FER1L6: variants seen among roughly 807,000 people sequenced by gnomAD.
FER1L6 encodes the protein fer-1-like protein 6.
FER1L6 carries 177 observed loss-of-function variants against 219.2 expected under a neutral mutation model. The ratio of observed to expected loss-of-function variants is 0.81; its 90% CI spans 0.71 to 0.91. FER1L6 has a LOEUF of 0.91. Ranked by LOEUF, FER1L6 falls within the 40% of genes least tolerant of loss-of-function variation. FER1L6 has a pLI of 0.00. For missense variants in FER1L6, 2,153 were observed against 2,259.9 expected (o/e 0.95, Z 0.96); for synonymous variants, 768 against 824.3 (o/e 0.93, Z 1.17).
intron 12 of FER1L6, among the ~76,000 whole-genome samples, chr8:123,999,044 G>A (rs950835087): frequency 2.0e-5 from 3 of 152,202 alleles, no homozygotes; most frequent in African/African-American, 7.2e-5. Context: ...CCTGCCTGGT[G>A]TTCTACCTCA....
intron 1 of FER1L6, among the ~76,000 whole-genome samples, chr8:123,873,629 G>A (rs1563669372): frequency 6.6e-6 from 1 of 152,074 alleles, no homozygotes; most frequent in Admixed American, 6.6e-5. Flanking sequence ...CCCTGTGCAG[G>A]TGACATCCCC....
At chr8:124,113,429 A>G (rs967836338) in intron 39 of FER1L6, among the ~76,000 whole-genome samples, 2 of 152,188 alleles carry the variant, frequency 1.3e-5, no homozygotes, top group African/African-American at 4.8e-5. Flanking sequence ...CTCAGCATGC[A>G]TCTCTCAGGA....
intron 6 of FER1L6, among the ~76,000 whole-genome samples, chr8:123,972,834 T>C (rs1296365918): frequency 2.6e-5 from 4 of 152,192 alleles, no homozygotes; most frequent in African/African-American, 9.7e-5. Context: ...GTTGTGGCTT[T>C]TCAACCTGGC....
At chr8:124,065,633 T>G (rs984371455) in intron 26 of FER1L6, among the ~76,000 whole-genome samples, 3 of 152,202 alleles carry the variant, frequency 2.0e-5, no homozygotes, top group Admixed American at 6.5e-5. Flanking sequence ...GTGTTCATCA[T>G]TCAGTGTTCA....
intron 1 of FER1L6, among the ~76,000 whole-genome samples, chr8:123,911,910 G>T (rs1813053093): frequency 6.6e-6 from 1 of 152,132 alleles, no homozygotes; most frequent in African/African-American, 2.4e-5. Context: ...TTCCTGGGGG[G>T]AACAGCTGGC....
chr8:124,003,178 A>G lies in FER1L6; in HGVS notation c.1531A>G (p.Asn511Asp). The change falls in exon 13 of 41, where the codon AAC becomes GAC. Residue 511 changes from asparagine to aspartate, a missense_variant. Physicochemically the swap from Asn to Asp is conservative, Grantham distance 23 (BLOSUM62 1). Transcript: ENST00000522917. ...SFEVSIGNFG[N>D]LIDGGSHHGS... ...TACTGCCTCTGCAGGTAATTTTGGAAACCTGATTGATGGAGGATCCCATCA... is the reference window on the plus strand; with the variant it reads ...TACTGCCTCTGCAGGTAATTTTGGAGACCTGATTGATGGAGGATCCCATCA... 2 of 1,613,756 alleles carry G rather than the reference A, an allele frequency of 1.2e-6. No individual in the cohort carries two copies. The highest frequency in any genetic ancestry group is 1.7e-6 in the Non-Finnish European group (2 of 1,179,764).
intron 25 of FER1L6, among the ~76,000 whole-genome samples, chr8:124,063,097 T>C (rs933595464): frequency 6.6e-6 from 1 of 152,250 alleles, no homozygotes; most frequent in African/African-American, 2.4e-5. Context: ...TGCTGCCATA[T>C]TAATCTTCCT....
chr8:123,899,360 G>GT (rs1162848010), intron 1 of FER1L6, among the ~76,000 whole-genome samples: 1 of 151,690 alleles, frequency 6.6e-6, no homozygotes, highest in Non-Finnish European at 1.5e-5. Flanking sequence ...TTGTTTGTTT[G>GT]TTTTTTTCTT....
At chr8:124,095,309 A>C (rs1586331003) in intron 35 of FER1L6, among the ~76,000 whole-genome samples, 1 of 152,328 alleles carries the variant, frequency 6.6e-6, no homozygotes, top group East Asian at 1.9e-4. Flanking sequence ...GAATTTGAGA[A>C]GCCCTGCCCT....
intron 16 of FER1L6, among the ~76,000 whole-genome samples, chr8:124,018,061 G>C (rs572743532): frequency 1.4e-4 from 22 of 152,272 alleles, no homozygotes; most frequent in African/African-American, 2.9e-4. Context: ...TATGCTCCTT[G>C]ACTTCAGGTT....
intron 1 of FER1L6, among the ~76,000 whole-genome samples, chr8:123,871,289 G>A (rs1001139060): frequency 6.6e-6 from 1 of 152,090 alleles, no homozygotes; most frequent in African/African-American, 2.4e-5. Context: ...TAACATCCCA[G>A]TAGTAACAAA....
At chr8:123,939,068 C>T (rs1041374186) in intron 1 of FER1L6, 5 of 630,600 alleles carry the variant, frequency 7.9e-6, no homozygotes, top group Non-Finnish European at 9.9e-6. Context: ...AAATATCAAA[C>T]CCTTAGTTTT....
intron 1 of FER1L6, among the ~76,000 whole-genome samples, chr8:123,866,668 G>A (rs546821909): frequency 5.3e-5 from 8 of 152,114 alleles, no homozygotes; most frequent in Non-Finnish European, 1.0e-4. Flanking sequence ...CATTAGGCTC[G>A]AGTGCAGTGG....
intron 12 of FER1L6, 80 bp downstream of exon 12, chr8:123,986,256 C>T: frequency 1.2e-6 from 1 of 853,160 alleles, no homozygotes; most frequent in Non-Finnish European, 1.9e-6. Context: ...TAGTGCCTTA[C>T]ATGAAGATAA....
intron 12 of FER1L6, among the ~76,000 whole-genome samples, chr8:123,992,608 G>A (rs1161595143): frequency 6.6e-6 from 1 of 151,880 alleles, no homozygotes; most frequent in Non-Finnish European, 1.5e-5. Flanking sequence ...TCTTTTCTTG[G>A]TTAATATAGA....
At chr8:123,903,605 G>T (rs181730845) in intron 1 of FER1L6, among the ~76,000 whole-genome samples, 1 of 152,238 alleles carries the variant, frequency 6.6e-6, no homozygotes, top group East Asian at 1.9e-4. Context: ...ATGAGTGCTG[G>T]CAGAGAGCTG....
At chr8:123,888,174 T>C (rs936519973) in intron 1 of FER1L6, among the ~76,000 whole-genome samples, 10 of 151,986 alleles carry the variant, frequency 6.6e-5, no homozygotes, top group Non-Finnish European at 1.3e-4. Flanking sequence ...TGGAGTGCAG[T>C]GACACGATCT....
chr8:123,902,422 A>G (rs1812876139), intron 1 of FER1L6, among the ~76,000 whole-genome samples: 1 of 152,070 alleles, frequency 6.6e-6, no homozygotes, highest in Admixed American at 6.6e-5. Context: ...GTCCCCCACT[A>G]TTATTGTGTT....
At chr8:124,015,630 A>G (rs1818168895) in intron 15 of FER1L6, among the ~76,000 whole-genome samples, 3 of 97,664 alleles carry the variant, frequency 3.1e-5, no homozygotes, top group Middle Eastern at 6.9e-3. Context: ...TCCTGCTGTG[A>G]GCTGTTTAGT....
Sources: allele counts gnomAD v4.1 joint callset (sites outside exome capture counted in the v4.1 genomes callset), GRCh38; gene constraint gnomAD v4.1.1; transcripts MANE v1.5; gene names NCBI Gene and HGNC (gene_info 2026-07-23, HGNC 2026-07-21).